CAST: variants seen among roughly 807,000 people sequenced by gnomAD.
CAST encodes calpastatin.
A neutral mutation model predicts 119.6 loss-of-function variants in CAST; 76 were observed. The ratio of observed to expected loss-of-function variants is 0.64; its 90% CI spans 0.53 to 0.77. The LOEUF (loss-of-function observed/expected upper bound fraction) is 0.77. Ranked by LOEUF, CAST falls within the 30% of genes least tolerant of loss-of-function variation. CAST has a pLI of 0.00. For missense variants in CAST, 953 were observed against 946.5 expected (o/e 1.01, Z -0.09); for synonymous variants, 319 against 331.6 (o/e 0.96, Z 0.41).
the CAST span, among the ~76,000 whole-genome samples, chr5:96,469,870 TATATATATA>T: frequency 6.6e-5 from 7 of 105,706 alleles, no homozygotes; most frequent in East Asian, 2.6e-4. Context: ...TGTGTGTATA[TATATATATA>T]ATATATATAT....
At chr5:96,654,021 T>C in intron 1 of CAST, among the ~76,000 whole-genome samples, 1 of 133,890 alleles carries the variant, frequency 7.5e-6, no homozygotes, top group Non-Finnish European at 1.5e-5. Flanking sequence ...CGTTTTCTTT[T>C]CTTTTCTTTT....
At chr5:96,593,533 A>G (rs1205850964) in intron 1 of CAST, among the ~76,000 whole-genome samples, 1 of 152,214 alleles carries the variant, frequency 6.6e-6, no homozygotes, top group Non-Finnish European at 1.5e-5. Context: ...AGTCCAATGG[A>G]ACAATGAGGT....
At chr5:96,014,493 C>G in the CAST span, among the ~76,000 whole-genome samples, 1 of 152,036 alleles carries the variant, frequency 6.6e-6, no homozygotes. Context: ...ATGTACTATA[C>G]ATAATTGTGT....
the CAST span, among the ~76,000 whole-genome samples, chr5:95,998,091 G>A: frequency 6.6e-6 from 1 of 150,928 alleles, no homozygotes; most frequent in Admixed American, 6.6e-5. Context: ...CTTCTCAAGG[G>A]TTATATATAG....
At chr5:96,763,152 T>G (rs759703583) in intron 25 of CAST, 1 of 780,478 alleles carries the variant, frequency 1.3e-6, no homozygotes, top group East Asian at 2.4e-5. Context: ...CCGTTTGATG[T>G]AGCATCAAAG....
At chr5:96,749,959 C>A (rs898411632) in intron 19 of CAST, among the ~76,000 whole-genome samples, 1 of 152,046 alleles carries the variant, frequency 6.6e-6, no homozygotes. Context: ...GACTCTACCC[C>A]CAAAGTTTCT....
At chr5:96,615,733 G>A (rs933653813) in intron 1 of CAST, among the ~76,000 whole-genome samples, 1 of 152,104 alleles carries the variant, frequency 6.6e-6, no homozygotes, top group Admixed American at 6.5e-5. Flanking sequence ...GAGGGGTCCC[G>A]AGAACAGGTC....
At chr5:96,433,352 G>T in the CAST span, 1 of 425,744 alleles carries the variant, frequency 2.3e-6, no homozygotes, top group South Asian at 2.2e-5. Flanking sequence ...GATCCGAATG[G>T]TATTCCCGGC....
At chr5:96,359,880 G>C in the CAST span, among the ~76,000 whole-genome samples, 3 of 152,116 alleles carry the variant, frequency 2.0e-5, no homozygotes, top group African/African-American at 7.2e-5. Context: ...CTATTGGCCT[G>C]TCTTGCCCGG....
chr5:96,605,646 C>T (rs1019122010), intron 1 of CAST, among the ~76,000 whole-genome samples: 1 of 152,166 alleles, frequency 6.6e-6, no homozygotes, highest in Non-Finnish European at 1.5e-5. Flanking sequence ...TGCTCTGAGG[C>T]ATATAGCTGA....
chr5:96,368,316 A>G, the CAST span, among the ~76,000 whole-genome samples: 1 of 151,928 alleles, frequency 6.6e-6, no homozygotes, highest in African/African-American at 2.4e-5. Flanking sequence ...CCTGGCCAAC[A>G]TGGTGAAACC....
the CAST span, among the ~76,000 whole-genome samples, chr5:96,160,888 T>C: frequency 6.6e-6 from 1 of 152,360 alleles, no homozygotes; most frequent in East Asian, 1.9e-4. Context: ...TATGTGCTTA[T>C]TGGTCATTTG....
At chr5:96,045,945 A>C in the CAST span, among the ~76,000 whole-genome samples, 4 of 152,322 alleles carry the variant, frequency 2.6e-5, no homozygotes, top group South Asian at 6.2e-4. Flanking sequence ...TTACTTTTTA[A>C]AATAAGACAG....
intron 1 of CAST, among the ~76,000 whole-genome samples, chr5:96,551,175 G>A (rs1037512133): frequency 3.2e-4 from 48 of 152,296 alleles, no homozygotes; most frequent in African/African-American, 7.7e-4. Context: ...GAGAAAGGTG[G>A]TGTTACCCAC....
the CAST span, among the ~76,000 whole-genome samples, chr5:96,457,135 C>T: frequency 6.6e-6 from 1 of 152,092 alleles, no homozygotes; most frequent in Non-Finnish European, 1.5e-5. Flanking sequence ...AGGTTATTAG[C>T]ATCCTCCCTG....
the CAST span, among the ~76,000 whole-genome samples, chr5:96,136,991 C>T: frequency 3.9e-5 from 6 of 152,170 alleles, no homozygotes; most frequent in Non-Finnish European, 5.9e-5. Flanking sequence ...TTTTTTAATA[C>T]AGTTAGACTG....
At chr5:96,747,223 T>C in intron 17 of CAST, 122 bp from the exon 18 acceptor site, 1 of 659,868 alleles carries the variant, frequency 1.5e-6, no homozygotes, top group Non-Finnish European at 2.8e-6. Context: ...CACAAACTCA[T>C]GTAAATCTAA....
At chr5:96,364,955 G>A in the CAST span, among the ~76,000 whole-genome samples, 8 of 152,146 alleles carry the variant, frequency 5.3e-5, no homozygotes, top group Non-Finnish European at 8.8e-5. Flanking sequence ...TCTCTTGTGG[G>A]CATTTAATGC....
intron 2 of CAST, among the ~76,000 whole-genome samples, chr5:96,690,878 G>GTTAT (rs1752645297): frequency 6.6e-6 from 1 of 152,168 alleles, no homozygotes; most frequent in African/African-American, 2.4e-5. Context: ...CAACTACTAA[G>GTTAT]TTATGGAGTA....
Sources: gnomAD v4.1 joint callset for allele counts (sites outside exome capture counted in the v4.1 genomes callset) on GRCh38, gnomAD v4.1.1 for gene constraint, MANE v1.5 for transcripts, NCBI Gene and HGNC (gene_info 2026-07-23, HGNC 2026-07-21) for gene names.